TEX11: variants seen among roughly 807,000 people sequenced by gnomAD.
TEX11 encodes the protein testis-expressed protein 11.
In TEX11, 7 loss-of-function variants were observed where a neutral mutation model predicts 84.4. That is an observed-to-expected ratio of 0.08 (90% confidence interval 0.05 to 0.16). TEX11 has a LOEUF of 0.16. Among genes scored for constraint, TEX11 ranks in the 10% least tolerant of loss-of-function variants. TEX11 has a pLI of 1.00. For missense variants in TEX11, 551 were observed against 660.5 expected (o/e 0.83, Z 1.82); for synonymous variants, 264 against 222.8 (o/e 1.18, Z -1.64).
At chrX:70,778,649 GTTT>G (rs202018863) in intron 9 of TEX11, among the ~76,000 whole-genome samples, 3 of 106,937 alleles carry the variant, frequency 2.8e-5, no homozygotes, top group East Asian at 7.1e-4. Flanking sequence ...GTTTGTTTTT[GTTT>G]TTTGTTTGTT....
intron 4 of TEX11, among the ~76,000 whole-genome samples, chrX:70,872,716 G>A (rs2091635737): frequency 8.9e-6 from 1 of 111,831 alleles, no homozygotes; most frequent in African/African-American, 3.2e-5. Context: ...GCTCTCACAG[G>A]TAGAAATCAT....
At chrX:70,793,843 T>C (rs1485871768) in intron 9 of TEX11, among the ~76,000 whole-genome samples, 1 of 106,854 alleles carries the variant, frequency 9.4e-6, no homozygotes, top group Non-Finnish European at 1.9e-5. Context: ...ATTATGATTC[T>C]ATAACTAGAA....
chrX:70,730,829 A>T lies in TEX11; in HGVS notation c.844-5486T>A, dbSNP rs748607168. ...TAATAGACATCTACAGAACTCTCCAACCCAAATCAACAGAATATACATTCT... is the reference window on the plus strand; with the variant it reads ...TAATAGACATCTACAGAACTCTCCATCCCAAATCAACAGAATATACATTCT... On this transcript the variant is annotated intron_variant, in intron 11 of 29. Transcript: ENST00000374333. Among the ~76,000 whole-genome samples the T allele has an allele frequency of 4.5e-5, 5 of 110,972 alleles. No individual in the cohort carries two copies. The South Asian group carries it at 1.1e-3, about 25-fold the overall frequency.
intron 2 of TEX11, among the ~76,000 whole-genome samples, chrX:70,884,817 A>T (rs192101222): frequency 9.1e-6 from 1 of 110,087 alleles, no homozygotes; most frequent in Admixed American, 9.8e-5. Flanking sequence ...GATGCAGGGC[A>T]GGCTAACCTC....
At chrX:70,524,845 A>G (rs1189625788), downstream of TEX11, among the ~76,000 whole-genome samples, 1 of 112,354 alleles carries the variant, frequency 8.9e-6, no homozygotes, top group Non-Finnish European at 1.9e-5. Flanking sequence ...AATTACAGGC[A>G]TGAGCCACCA....
At chrX:70,692,992 C>G (rs914963953) in intron 13 of TEX11, among the ~76,000 whole-genome samples, 4 of 111,815 alleles carry the variant, frequency 3.6e-5, no homozygotes, top group Non-Finnish European at 7.5e-5. Flanking sequence ...CGCCTGTAAT[C>G]CCAGCACTTT....
intron 17 of TEX11, among the ~76,000 whole-genome samples, chrX:70,638,304 A>G (rs2089599680): frequency 8.9e-6 from 1 of 111,803 alleles, no homozygotes; most frequent in East Asian, 2.8e-4. Context: ...TCTTCACAGC[A>G]GAAATATAGG....
intron 17 of TEX11, among the ~76,000 whole-genome samples, chrX:70,635,323 C>T (rs948110170): frequency 2.7e-5 from 3 of 112,320 alleles, no homozygotes; most frequent in East Asian, 2.8e-4. Context: ...AATGGGCTGG[C>T]GGCAGTAAAA....
chrX:70,867,051 C>CAGACAGCCAAATCATGA (rs2091603186), intron 4 of TEX11, among the ~76,000 whole-genome samples: 1 of 111,374 alleles, frequency 9.0e-6, no homozygotes. Flanking sequence ...AGAAATAAAG[C>CAGACAGCCAAATCATGA]GTATTCAATT....
chrX:70,841,955 C>T (rs2091447677), intron 7 of TEX11, among the ~76,000 whole-genome samples: 1 of 111,676 alleles, frequency 9.0e-6, no homozygotes, highest in Non-Finnish European at 1.9e-5. Context: ...TCTGAATAGA[C>T]CAATAACAGG....
chrX:70,753,337 C>T (rs2090843544), intron 9 of TEX11, among the ~76,000 whole-genome samples: 2 of 111,245 alleles, frequency 1.8e-5, no homozygotes, highest in South Asian at 7.7e-4. Context: ...GAGACCCCTT[C>T]CTTCCATTTA....
At position 70,651,539 on chromosome X, in the gene TEX11, A is replaced by G; in HGVS notation, c.1394T>C (p.Val465Ala). 8.3e-7 allele frequency: 1 copy of G among 1,203,996 alleles called. No individual in the cohort carries two copies. Among genetic ancestry groups the G allele is most frequent in the Non-Finnish European group, 1.1e-6 (1 of 890,227 alleles). ...AGGGTCATGTCGTTCAGCTTCTGCC[A>G]CTGCCTCTTTGGCCTGGAAAGAAAA... ...LQQLDKAKEA[V>A]AEAERHDPRN... Residue 465 changes from valine to alanine, a missense_variant, in exon 17 of 30, where the codon GTG (valine) becomes GCG (alanine). Physicochemically the swap from Val to Ala is moderately conservative, Grantham distance 64. Transcript: ENST00000374333.
chrX:70,586,850 G>A (rs2088859163), intron 25 of TEX11, among the ~76,000 whole-genome samples: 1 of 111,980 alleles, frequency 8.9e-6, no homozygotes, highest in Non-Finnish European at 1.9e-5. Context: ...GAACACTTTG[G>A]AGGGTTTAGA....
rs1005929343 is a variant in TEX11, at chrX:70,893,791, G to A, written c.38-13682C>T. Among the ~76,000 whole-genome samples, 6 of 111,203 alleles carry A rather than the reference G, an allele frequency of 5.4e-5. No individual in the cohort carries two copies. In the Admixed American group the frequency reaches 5.8e-4, roughly 11 times the overall value. Reference sequence around the variant, plus strand: ...AAAAAATCATTGAGTCCAGGAGCTGGTTTTTTGAAAAGATTAACAGAATAG... The same window carrying A: ...AAAAAATCATTGAGTCCAGGAGCTGATTTTTTGAAAAGATTAACAGAATAG... On this transcript the variant is annotated intron_variant, in intron 2 of 29. Transcript: ENST00000374333.
intron 25 of TEX11, among the ~76,000 whole-genome samples, chrX:70,569,456 C>T (rs1603081700): frequency 8.9e-6 from 1 of 112,055 alleles, no homozygotes; most frequent in African/African-American, 3.2e-5. Context: ...TAAGGAGCTG[C>T]GTTCCTTTGG....
chrX:70,763,923 G>A (rs1022143706), intron 9 of TEX11, among the ~76,000 whole-genome samples: 3 of 112,091 alleles, frequency 2.7e-5, no homozygotes, highest in African/African-American at 9.7e-5. Flanking sequence ...GCATTGGACA[G>A]ATCTTCCAGA....
the TEX11 span, among the ~76,000 whole-genome samples, chrX:70,521,072 C>T: frequency 1.8e-5 from 2 of 111,395 alleles, no homozygotes; most frequent in African/African-American, 6.5e-5. Context: ...AAGGGAAATC[C>T]CCTGACCCCT....
chrX:70,643,238 G>C (rs2089688246), intron 17 of TEX11, among the ~76,000 whole-genome samples: 1 of 105,460 alleles, frequency 9.5e-6, no homozygotes, highest in African/African-American at 3.5e-5. Flanking sequence ...TCTTCAAGGA[G>C]AACTACAAAC....
intron 8 of TEX11, among the ~76,000 whole-genome samples, chrX:70,829,324 A>C (rs1248213512): frequency 9.1e-6 from 1 of 110,445 alleles, no homozygotes; most frequent in Non-Finnish European, 1.9e-5. Context: ...TCTACTAAAA[A>C]TACAAAAATT....
Sources: gnomAD v4.1 joint callset for allele counts (sites outside exome capture counted in the v4.1 genomes callset) on GRCh38, gnomAD v4.1.1 for gene constraint, MANE v1.5 for transcripts, NCBI Gene and HGNC (gene_info 2026-07-23, HGNC 2026-07-21) for gene names.